The following FRMD4A variants were observed in gnomAD, a reference collection of about 807,000 sequenced individuals.
FRMD4A encodes the protein FERM domain-containing protein 4A.
Under a neutral mutation model 129.1 loss-of-function variants are expected in FRMD4A, and 29 were observed. That is an observed-to-expected ratio of 0.22 (90% CI 0.17 to 0.31). The LOEUF (loss-of-function observed/expected upper bound fraction) is 0.31, where lower values mean the gene tolerates loss of function less well. Ranked by LOEUF, FRMD4A falls within the 10% of genes least tolerant of loss-of-function variation. The pLI is 1.00. For synonymous variants in FRMD4A, 634 were observed against 571.6 expected (o/e 1.11, Z -1.56); for missense variants, 1,272 against 1,375.8 (o/e 0.92, Z 1.19).
At chr10:14,136,162 A>C (rs1839525259) in intron 2 of FRMD4A, among the ~76,000 whole-genome samples, 2 of 152,186 alleles carry the variant, frequency 1.3e-5, no homozygotes, top group South Asian at 4.1e-4. Context: ...AGGTGCCACC[A>C]CTGGGGTAAG....
chr10:14,276,814 A>G (rs1218356), intron 2 of FRMD4A, among the ~76,000 whole-genome samples: 15,456 of 152,144 alleles, frequency 0.1, 1,766 homozygotes, highest in African/African-American at 0.28. Context: ...CATTTGTGGC[A>G]ATGTTGCAGG....
At chr10:14,116,137 T>G (rs1838184692) in intron 2 of FRMD4A, among the ~76,000 whole-genome samples, 2 of 152,232 alleles carry the variant, frequency 1.3e-5, no homozygotes, top group Non-Finnish European at 2.9e-5. Flanking sequence ...CTCGGGCTAT[T>G]GCACCTTCTG....
At chr10:14,251,976 A>C (rs1844456722) in intron 2 of FRMD4A, among the ~76,000 whole-genome samples, 1 of 152,366 alleles carries the variant, frequency 6.6e-6, no homozygotes, top group East Asian at 1.9e-4. Context: ...AAAGCATGAG[A>C]ATAGAAAAGA....
At chr10:13,896,211 C>T (rs531856424) in intron 2 of FRMD4A, among the ~76,000 whole-genome samples, 2 of 152,292 alleles carry the variant, frequency 1.3e-5, no homozygotes, top group East Asian at 3.9e-4. Flanking sequence ...TATAAAGACA[C>T]ATGCACATAT....
chr10:14,224,629 G>A (rs910625858), intron 2 of FRMD4A, among the ~76,000 whole-genome samples: 3 of 152,118 alleles, frequency 2.0e-5, no homozygotes, highest in South Asian at 2.1e-4. Context: ...GTCAGCCTAC[G>A]TGGATAAAAT....
At chr10:14,179,330 T>C (rs1421630441) in intron 2 of FRMD4A, among the ~76,000 whole-genome samples, 1 of 152,236 alleles carries the variant, frequency 6.6e-6, no homozygotes, top group African/African-American at 2.4e-5. Context: ...CTCTGTGACC[T>C]GCTCACCACT....
intron 2 of FRMD4A, among the ~76,000 whole-genome samples, chr10:14,065,536 T>C (rs896919762): frequency 2.0e-5 from 3 of 152,086 alleles, no homozygotes; most frequent in African/African-American, 7.2e-5. Flanking sequence ...ATCCAGGTGG[T>C]GGTCACAGGG....
Position 13,827,620 on chromosome 10 carries a change from A to T in FRMD4A, c.112-16712T>A, listed in dbSNP as rs561594335. Among the ~76,000 whole-genome samples the T allele has an allele frequency of 2.0e-5, 3 of 152,316 alleles. No individual in the cohort carries two copies. The South Asian group carries it at 6.2e-4, about 32-fold the overall frequency. ...GCGAAACAGCCTCCTGCAGACTGAT[A>T]AGCCAAGAGGTAGGAATGTTCAGAA... On this transcript the variant is annotated intron_variant, in intron 3 of 24. Transcript: ENST00000357447.
At chr10:13,778,732 A>C (rs2092664125) in intron 6 of FRMD4A, among the ~76,000 whole-genome samples, 1 of 152,028 alleles carries the variant, frequency 6.6e-6, no homozygotes. Context: ...GAATCCATCC[A>C]TCGAACACCT....
intron 2 of FRMD4A, among the ~76,000 whole-genome samples, chr10:13,911,483 G>T (rs2094939916): frequency 6.6e-6 from 1 of 152,160 alleles, no homozygotes; most frequent in Non-Finnish European, 1.5e-5. Context: ...TTCACCACCT[G>T]CAAGGAAATG....
Position 13,925,566 on chromosome 10 carries a change from C to CTTTTTTTTTTTTTTTTTT in FRMD4A, c.46-66672_46-66655dup, listed in dbSNP as rs66980805. 6.1e-4 allele frequency among the ~76,000 whole-genome samples: 38 copies of CTTTTTTTTTTTTTTTTTT among 61,944 alleles called. 6 individuals carry two copies. The highest frequency in any genetic ancestry group is 9.1e-4 in the South Asian group (1 of 1,100). The allele number at this position is 61,944 out of a possible 152,430, so 40.6% of individuals were successfully genotyped here. A position where few individuals can be genotyped will look rare whatever the true frequency, so the allele number is the denominator to read the frequency against. ...TGAAAGTTTCTATTGTAGTGAAACG[C>CTTTTTTTTTTTTTTTTTT]TTTTTTTTTTTTTTTTTTTTTTTTT... On this transcript the variant is annotated intron_variant, in intron 2 of 24. Coordinates refer to ENST00000357447, the MANE Select transcript of FRMD4A (RefSeq NM_018027.5).
intron 2 of FRMD4A, among the ~76,000 whole-genome samples, chr10:14,305,891 A>G (rs1178063334): frequency 6.6e-6 from 1 of 152,218 alleles, no homozygotes; most frequent in Non-Finnish European, 1.5e-5. Context: ...CAAATACTGC[A>G]TATTCTCACT....
intron 2 of FRMD4A, among the ~76,000 whole-genome samples, chr10:14,088,615 A>G (rs1344164423): frequency 6.6e-6 from 1 of 151,690 alleles, no homozygotes; most frequent in Non-Finnish European, 1.5e-5. Flanking sequence ...AAAAAATGCA[A>G]AAACTAGCCG....
intron 2 of FRMD4A, among the ~76,000 whole-genome samples, chr10:14,206,809 C>T (rs868287289): frequency 4.6e-5 from 2 of 43,066 alleles, no homozygotes. Flanking sequence ...GACGCTATCT[C>T]AAAAAAAAAA....
intron 2 of FRMD4A, among the ~76,000 whole-genome samples, chr10:13,978,270 T>C (rs910830485): frequency 1.1e-4 from 17 of 152,060 alleles, no homozygotes; most frequent in Admixed American, 1.0e-3. Flanking sequence ...AAAGGGCTGC[T>C]TTTAGGGGGC....
intron 2 of FRMD4A, among the ~76,000 whole-genome samples, chr10:14,003,882 G>C (rs952471111): frequency 6.6e-6 from 1 of 152,158 alleles, no homozygotes; most frequent in Non-Finnish European, 1.5e-5. Flanking sequence ...CAAGGCAAAC[G>C]CCCAGGAAAA....
Position 14,021,391 on chromosome 10 carries a change from A to T in FRMD4A, c.46-162479T>A, listed in dbSNP as rs562938380. Among the ~76,000 whole-genome samples, 14 of 151,248 alleles carry T rather than the reference A, an allele frequency of 9.3e-5. No individual in the cohort carries two copies. The East Asian group carries it at 1.7e-3, about 19-fold the overall frequency. ...ACCTCATCTCCACAAAAATAAAAAA[A>T]AAAAATAATAAAAAAAACAGCTGGG... On this transcript the variant is annotated intron_variant, in intron 2 of 24. Coordinates refer to ENST00000357447, the MANE Select transcript of FRMD4A (RefSeq NM_018027.5).
intron 5 of FRMD4A, among the ~76,000 whole-genome samples, chr10:13,789,270 C>T (rs551368727): frequency 6.6e-6 from 1 of 152,272 alleles, no homozygotes; most frequent in African/African-American, 2.4e-5. Context: ...GAAGTAGCAG[C>T]TGCTGTCTCC....
intron 6 of FRMD4A, among the ~76,000 whole-genome samples, chr10:13,779,578 C>A (rs1170773084): frequency 6.6e-6 from 1 of 152,200 alleles, no homozygotes; most frequent in African/African-American, 2.4e-5. Flanking sequence ...AGAACTTAAG[C>A]TGTGAATTCA....
Sources: gnomAD v4.1 joint callset for allele counts (sites outside exome capture counted in the v4.1 genomes callset) on GRCh38, gnomAD v4.1.1 for gene constraint, MANE v1.5 for transcripts, NCBI Gene and HGNC (gene_info 2026-07-23, HGNC 2026-07-21) for gene names.